Variants in ARHGAP44 observed in about 807,000 individuals in gnomAD.
ARHGAP44 encodes rho GTPase-activating protein 44.
In ARHGAP44, 43 loss-of-function variants were observed where a neutral mutation model predicts 106.8. That is an observed-to-expected ratio of 0.40 (90% CI 0.32 to 0.52). ARHGAP44 has a LOEUF of 0.52. Ranked by LOEUF, ARHGAP44 falls within the 20% of genes least tolerant of loss-of-function variation. The probability of loss-of-function intolerance (pLI) is 0.48; values close to 1 mark genes in which losing one functional copy is unlikely to be tolerated. For missense variants in ARHGAP44, 866 were observed against 1,050.5 expected (o/e 0.82, Z 2.43); for synonymous variants, 439 against 410.3 (o/e 1.07, Z -0.85).
chr17:12,899,449 A>G (rs2037308462), intron 3 of ARHGAP44, among the ~76,000 whole-genome samples: 2 of 152,360 alleles, frequency 1.3e-5, no homozygotes, highest in South Asian at 2.1e-4. Flanking sequence ...TTTTCTCTGA[A>G]CACATTAAGA....
chr17:12,896,968 C>T (rs1293549215), intron 3 of ARHGAP44, among the ~76,000 whole-genome samples: 4 of 152,166 alleles, frequency 2.6e-5, no homozygotes, highest in South Asian at 2.1e-4. Context: ...AAATTGTTTT[C>T]GCCCTAATGA....
At chr17:12,890,440 G>T (rs1363537840) in intron 1 of ARHGAP44, among the ~76,000 whole-genome samples, 1 of 152,194 alleles carries the variant, frequency 6.6e-6, no homozygotes, top group Non-Finnish European at 1.5e-5. Context: ...CTACACTTGG[G>T]GTTACTTGAG....
In ARHGAP44 at chr17:12,866,662, G is replaced by A. The variant is rs889819653; in HGVS notation, c.54-28278G>A. 3.3e-5 allele frequency among the ~76,000 whole-genome samples: 5 copies of A among 152,200 alleles called. No homozygotes were observed. In the South Asian group the frequency reaches 1.0e-3, roughly 32 times the overall value. ...GAAACTCAGTGATGAGTAATTCATA[G>A]GGGTTATTGGAACCTGGGCTTGTAC... On this transcript the variant is annotated intron_variant, in intron 1 of 20. Coordinates refer to ENST00000379672, the MANE Select transcript of ARHGAP44 (RefSeq NM_014859.6).
chr17:12,870,368 G>C (rs2036374859), intron 1 of ARHGAP44, among the ~76,000 whole-genome samples: 1 of 152,106 alleles, frequency 6.6e-6, no homozygotes, highest in African/African-American at 2.4e-5. Context: ...TTTGAGGAAG[G>C]TTTTCTACAT....
chr17:12,900,884 C>G (rs886889), intron 3 of ARHGAP44, among the ~76,000 whole-genome samples: 67,710 of 149,414 alleles, frequency 0.45, 17,559 homozygotes, highest in Non-Finnish European at 0.57. Context: ...CAAGATGTGC[C>G]AGGTTCCGAG....
chr17:12,857,810 TTATA>T (rs2035956121), intron 1 of ARHGAP44, among the ~76,000 whole-genome samples: 2 of 139,598 alleles, frequency 1.4e-5, no homozygotes, highest in African/African-American at 2.6e-5. Flanking sequence ...ATTTATTTAT[TTATA>T]TCCTGCCCCA....
chr17:12,822,225 A>G (rs975777531), intron 1 of ARHGAP44, among the ~76,000 whole-genome samples: 1 of 152,228 alleles, frequency 6.6e-6, no homozygotes, highest in African/African-American at 2.4e-5. Flanking sequence ...ATGACTGAGC[A>G]TTGCTGTGTT....
Position 12,990,983 on chromosome 17 carries a change from T to C in ARHGAP44, c.*812T>C, listed in dbSNP as rs2055386081. Reference sequence around the variant, plus strand: ...ACGTACCTAAAGGCACCCAGTTCACTAGTCTGTGGGGTCCTGGAGCCTGTC... The same window carrying C: ...ACGTACCTAAAGGCACCCAGTTCACCAGTCTGTGGGGTCCTGGAGCCTGTC... On this transcript the variant is annotated 3_prime_UTR_variant, in exon 21 of 21. Coordinates refer to ENST00000379672, the MANE Select transcript of ARHGAP44 (RefSeq NM_014859.6). 1 of 152,678 alleles carries C rather than the reference T, an allele frequency of 6.5e-6. No homozygotes were observed. Among genetic ancestry groups the C allele is most frequent in the South Asian group, 2.1e-4 (1 of 4,830 alleles). 9.5% of individuals were successfully genotyped at this position (152,678 alleles called of 1,614,324 possible). A position where few individuals can be genotyped will look rare whatever the true frequency, so the allele number is the denominator to read the frequency against.
At chr17:12,876,402 A>T (rs1444864935) in intron 1 of ARHGAP44, among the ~76,000 whole-genome samples, 2 of 152,130 alleles carry the variant, frequency 1.3e-5, no homozygotes, top group Non-Finnish European at 2.9e-5. Flanking sequence ...GGGATCTGTG[A>T]GTATAAACTT....
At chr17:12,886,144 A>G (rs55797306) in intron 1 of ARHGAP44, among the ~76,000 whole-genome samples, 20,530 of 152,012 alleles carry the variant, frequency 0.14, 2,057 homozygotes, top group East Asian at 0.34. Flanking sequence ...ACCACTGATC[A>G]TATTTGTCTA....
chr17:12,835,399 G>T (rs187801052), intron 1 of ARHGAP44, among the ~76,000 whole-genome samples: 24 of 152,090 alleles, frequency 1.6e-4, no homozygotes, highest in Non-Finnish European at 3.1e-4. Context: ...TTGATAAAAG[G>T]CAGAAGAGAT....
intron 1 of ARHGAP44, among the ~76,000 whole-genome samples, chr17:12,881,333 CT>C (rs2036731616): frequency 6.6e-6 from 1 of 151,852 alleles, no homozygotes; most frequent in South Asian, 2.1e-4. Context: ...TGGTATTTGA[CT>C]TTTGTGTACC....
intron 1 of ARHGAP44, among the ~76,000 whole-genome samples, chr17:12,824,031 T>C (rs1378596033): frequency 6.6e-6 from 1 of 152,128 alleles, no homozygotes; most frequent in East Asian, 1.9e-4. Context: ...CCCCTTGGCT[T>C]GAATGATACC....
At chr17:12,813,835 CTG>C (rs1053006123) in intron 1 of ARHGAP44, among the ~76,000 whole-genome samples, 28 of 152,228 alleles carry the variant, frequency 1.8e-4, no homozygotes, top group African/African-American at 6.7e-4. Flanking sequence ...TATTCCCAGG[CTG>C]CTGCAGGCTG....
rs1403029479 is a variant in ARHGAP44 at position 12,903,140 on chromosome 17, A to AGAGTGTGT, written c.199-5756_199-5755insAGTGTGTG. On this transcript the variant is annotated intron_variant, in intron 3 of 20. Transcript: ENST00000379672. ...AGAGAGAGAGAGGAGAGAGAGAGAGAGTGTGTGTGTGTGTGTGTGTGTGTG... is the reference window on the plus strand; with the variant it reads ...AGAGAGAGAGAGGAGAGAGAGAGAGAGAGTGTGTGTGTGTGTGTGTGTGTGTGTGTGTG... 3.5e-4 allele frequency among the ~76,000 whole-genome samples: 20 copies of AGAGTGTGT among 57,592 alleles called. No individual in the cohort carries two copies. In the East Asian group the frequency reaches 0.011, roughly 30 times the overall value. The allele number at this position is 57,592 out of a possible 152,430, so 37.8% of individuals were successfully genotyped here. A position where few individuals can be genotyped will look rare whatever the true frequency, so the allele number is the denominator to read the frequency against.
At chr17:12,835,664 A>C (rs2035217187) in intron 1 of ARHGAP44, among the ~76,000 whole-genome samples, 1 of 152,182 alleles carries the variant, frequency 6.6e-6, no homozygotes, top group Admixed American at 6.5e-5. Context: ...ATGACATACA[A>C]TTTACCATCT....
chr17:12,838,833 G>A (rs1009813980), intron 1 of ARHGAP44, among the ~76,000 whole-genome samples: 2 of 151,780 alleles, frequency 1.3e-5, no homozygotes, highest in Non-Finnish European at 2.9e-5. Flanking sequence ...CACCATGCGT[G>A]GCTAATTTTT....
chr17:12,932,316 A>G (rs761497871), intron 7 of ARHGAP44, among the ~76,000 whole-genome samples: 1 of 152,208 alleles, frequency 6.6e-6, no homozygotes. Flanking sequence ...TCATGTATTT[A>G]TACACATTCT....
At chr17:12,863,766 C>T (rs1409953218) in intron 1 of ARHGAP44, among the ~76,000 whole-genome samples, 5 of 152,204 alleles carry the variant, frequency 3.3e-5, no homozygotes, top group Non-Finnish European at 7.4e-5. Context: ...CAACATACCA[C>T]CTCCAAACTT....
Sources: gnomAD v4.1 joint callset for allele counts (sites outside exome capture counted in the v4.1 genomes callset) on GRCh38, gnomAD v4.1.1 for gene constraint, MANE v1.5 for transcripts, NCBI Gene and HGNC (gene_info 2026-07-23, HGNC 2026-07-21) for gene names.